Variants in PSMB2 observed in about 807,000 individuals in gnomAD.
PSMB2 encodes the protein proteasome 20S subunit beta 2, also known as proteasome subunit beta type-2.
A neutral mutation model predicts 25.7 loss-of-function variants in PSMB2; 13 were observed. The ratio of observed to expected loss-of-function variants is 0.51; its 90% CI spans 0.33 to 0.80. The LOEUF (loss-of-function observed/expected upper bound fraction) is 0.80. Among genes scored for constraint, PSMB2 ranks in the 30% least tolerant of loss-of-function variants. The probability of loss-of-function intolerance (pLI) is 0.02; values close to 1 mark genes in which losing one functional copy is unlikely to be tolerated. For synonymous variants in PSMB2, 87 were observed against 96.2 expected (o/e 0.90, Z 0.56); for missense variants, 202 against 259.0 (o/e 0.78, Z 1.51).
intron 3 of PSMB2, among the ~76,000 whole-genome samples, chr1:35,619,931 C>T (rs116625844): frequency 6.6e-6 from 1 of 152,338 alleles, no homozygotes; most frequent in Non-Finnish European, 1.5e-5. Context: ...AAAACCAACA[C>T]CATGTTTGCA....
Position 35,602,269 on chromosome 1 carries a change from T to G in PSMB2, c.*998A>C, listed in dbSNP as rs1172387890. 1.3e-5 allele frequency: 2 copies of G among 151,564 alleles called. No individual in the cohort carries two copies. The highest frequency in any genetic ancestry group is 4.8e-5 in the African/African-American group (2 of 41,256). The allele number at this position is 151,564 out of a possible 1,614,324, so 9.4% of individuals were successfully genotyped here. A position where few individuals can be genotyped will look rare whatever the true frequency, so the allele number is the denominator to read the frequency against. ...ATCACTTGGGCCCGGGAGGCGGAGGTTGCAGTGAGCCAAGATTACGCCACA... is the reference window on the plus strand; with the variant it reads ...ATCACTTGGGCCCGGGAGGCGGAGGGTGCAGTGAGCCAAGATTACGCCACA... On this transcript the variant is annotated 3_prime_UTR_variant, in exon 6 of 6. Transcript: ENST00000373237.
chr1:35,603,262 T>C lies in PSMB2; in HGVS notation c.*5A>G, dbSNP rs12386. The C allele has an allele frequency of 8.6e-3, 13,811 of 1,613,330 alleles. 391 individuals are homozygous for C. The highest frequency in any genetic ancestry group is 0.066 in the African/African-American group (4,956 of 74,916). On this transcript the variant is annotated 3_prime_UTR_variant, in exon 6 of 6. Transcript: ENST00000373237. ...TCCCTGGCAAGTGGGAGGGAGGACA[T>C]GATGTTAGGAGCCCTGTTTGGGGAA...
chr1:35,605,269 C>G lies in PSMB2; in HGVS notation c.462G>C (p.Glu154Asp). The stretch of plus-strand genomic sequence containing the variant: ...ATTTCCTAAGGAGTTCCACTGCCCT[C>G]TCACGTGAGATAGCTGAAAGAGAAC... ...DRYYTPTISR[E>D]RAVELLRKCL... The change falls in exon 5 of 6, where the codon GAG (glutamate) becomes GAC (aspartate). Residue 154 changes from glutamate to aspartate, a missense_variant. Coordinates refer to ENST00000373237, the MANE Select transcript of PSMB2 (RefSeq NM_002794.5). 1.2e-6 allele frequency: 2 copies of G among 1,613,394 alleles called. No homozygotes were observed. Among genetic ancestry groups the G allele is most frequent in the Non-Finnish European group, 1.7e-6 (2 of 1,179,644 alleles).
At chr1:35,639,277 A>T (rs1416868235) in intron 1 of PSMB2, among the ~76,000 whole-genome samples, 2 of 152,166 alleles carry the variant, frequency 1.3e-5, no homozygotes, top group African/African-American at 4.8e-5. Context: ...TAAAATAAAT[A>T]AAAAAGTCAT....
chr1:35,605,280 T>C lies in PSMB2; in HGVS notation c.451A>G (p.Ile151Val). ...SILDRYYTPT[I>V]SRERAVELLR... ...AGTTCCACTGCCCTCTCACGTGAGATAGCTGAAAGAGAACACAGAGACCAA... is the reference window on the plus strand; with the variant it reads ...AGTTCCACTGCCCTCTCACGTGAGACAGCTGAAAGAGAACACAGAGACCAA... Residue 151 changes from isoleucine to valine, a missense_variant and splice_region_variant, in exon 5 of 6, where the codon ATC becomes GTC. Transcript: ENST00000373237. 1.9e-6 allele frequency: 3 copies of C among 1,612,926 alleles called. No homozygotes were observed. The highest frequency in any genetic ancestry group is 2.5e-6 in the Non-Finnish European group (3 of 1,179,400).
Position 35,605,317 on chromosome 1 carries a change from G to A in PSMB2, c.449-35C>T, listed in dbSNP as rs1472200703. Reference sequence around the variant, plus strand: ...AACACAGAGACCAAATACTTCCGGTGCTGTCATTATATCCAACTCTCAGAA... The same window carrying A: ...AACACAGAGACCAAATACTTCCGGTACTGTCATTATATCCAACTCTCAGAA... On this transcript the variant is annotated intron_variant, in intron 4 of 5. Coordinates refer to ENST00000373237, the MANE Select transcript of PSMB2 (RefSeq NM_002794.5). 2.5e-6 allele frequency: 4 copies of A among 1,594,260 alleles called. No homozygotes were observed. The South Asian group carries it at 3.3e-5, about 13-fold the overall frequency.
chr1:35,621,392 T>C (rs1300682931), intron 3 of PSMB2, among the ~76,000 whole-genome samples: 1 of 152,162 alleles, frequency 6.6e-6, no homozygotes, highest in African/African-American at 2.4e-5. Flanking sequence ...CCAAGGACAA[T>C]GCAGGCTGGA....
In PSMB2 at chr1:35,602,887, A is replaced by T. The variant is rs1571118218; in HGVS notation, c.*380T>A. On this transcript the variant is annotated 3_prime_UTR_variant, in exon 6 of 6. Transcript: ENST00000373237. ...TTAATTCAGGTTAATTAATTTAAAA[A>T]TTTAAGTTTAAGGGCAAAAAGAACC... is the stretch of plus-strand genomic sequence containing the variant. 1.0e-6 allele frequency: 1 copy of T among 966,490 alleles called. No homozygotes were observed. Among genetic ancestry groups the T allele is most frequent in the Non-Finnish European group, 1.2e-6 (1 of 808,100 alleles). The allele number at this position is 966,490 out of a possible 1,614,324, so 59.9% of individuals were successfully genotyped here.
chr1:35,631,382 C>A, intron 2 of PSMB2, 38 bp from the exon 3 acceptor site: 1 of 1,610,546 alleles, frequency 6.2e-7, no homozygotes, highest in Non-Finnish European at 8.5e-7. Flanking sequence ...TAAAGTAAAG[C>A]AGAAGGAATA....
Position 35,599,831 on chromosome 1 carries a change from A to T in PSMB2, c.*3436T>A. On this transcript the variant is annotated 3_prime_UTR_variant, in exon 6 of 6. Coordinates refer to ENST00000373237, the MANE Select transcript of PSMB2 (RefSeq NM_002794.5). ...TAGGGGGTGAACCAGAGTAATGGGG[A>T]TGGAGATTTATAAAGATTAGGCTGG... 1.0e-6 allele frequency: 1 copy of T among 985,092 alleles called. No homozygotes were observed. The highest frequency in any genetic ancestry group is 1.2e-6 in the Non-Finnish European group (1 of 829,676). The allele number at this position is 985,092 out of a possible 1,614,324, so 61.0% of individuals were successfully genotyped here.
chr1:35,637,190 A>G (rs555876248), intron 1 of PSMB2, among the ~76,000 whole-genome samples: 13 of 152,234 alleles, frequency 8.5e-5, no homozygotes, highest in Non-Finnish European at 1.6e-4. Context: ...ACAAAAGCAT[A>G]TATGAAAAGG....
intron 1 of PSMB2, among the ~76,000 whole-genome samples, chr1:35,638,798 T>C (rs2148579999): frequency 6.6e-6 from 1 of 152,350 alleles, no homozygotes; most frequent in East Asian, 1.9e-4. Context: ...AAATGTCTAC[T>C]CTATAGTATC....
chr1:35,613,662 T>C (rs915178871), intron 3 of PSMB2, among the ~76,000 whole-genome samples: 1 of 152,202 alleles, frequency 6.6e-6, no homozygotes, highest in African/African-American at 2.4e-5. Context: ...CTTCTCTTTC[T>C]ACCTCCCTCT....
chr1:35,605,910 T>C (rs1011609341), intron 4 of PSMB2, among the ~76,000 whole-genome samples: 2 of 152,152 alleles, frequency 1.3e-5, no homozygotes, highest in Admixed American at 6.6e-5. Context: ...ATCAAGAAAG[T>C]CACTGGGAGG....
At chr1:35,612,589 T>A (rs547218373) in intron 3 of PSMB2, among the ~76,000 whole-genome samples, 2 of 152,308 alleles carry the variant, frequency 1.3e-5, no homozygotes, top group East Asian at 3.9e-4. Context: ...TTCTTACAGT[T>A]AAAATTAGAA....
In PSMB2 at chr1:35,641,427, C is replaced by G; in HGVS notation, c.6G>C (p.Glu2Asp). M[E>D]YLIGIQGPDY... is the part of the protein sequence containing the mutation. ...CGGGGCCTTGGATACCGATGAGGTACTCCATGGTGGCGGAAGGCCAGGGGC... is the reference window on the plus strand; with the variant it reads ...CGGGGCCTTGGATACCGATGAGGTAGTCCATGGTGGCGGAAGGCCAGGGGC... Residue 2 changes from glutamate (E) to aspartate (D), a missense_variant, in exon 1 of 6, where the codon GAG becomes GAC. By Grantham distance (45) the Glu-to-Asp change is conservative. Coordinates refer to ENST00000373237, the MANE Select transcript of PSMB2 (RefSeq NM_002794.5). 6.2e-7 allele frequency: 1 copy of G among 1,614,146 alleles called. No homozygotes were observed. The highest frequency in any genetic ancestry group is 8.5e-7 in the Non-Finnish European group (1 of 1,180,022).
intron 3 of PSMB2, among the ~76,000 whole-genome samples, chr1:35,613,193 T>A (rs1194774574): frequency 6.6e-6 from 1 of 152,170 alleles, no homozygotes; most frequent in Non-Finnish European, 1.5e-5. Context: ...AATCAATACA[T>A]CTGTGCAACA....
intron 3 of PSMB2, among the ~76,000 whole-genome samples, chr1:35,622,875 A>C (rs759257552): frequency 5.1e-4 from 78 of 152,228 alleles, no homozygotes; most frequent in Middle Eastern, 3.4e-3. Context: ...ACTTTCAAAT[A>C]ATCTTCCCAA....
chr1:35,631,046 A>G (rs1651078250), intron 3 of PSMB2, among the ~76,000 whole-genome samples: 2 of 152,112 alleles, frequency 1.3e-5, no homozygotes, highest in African/African-American at 4.8e-5. Flanking sequence ...AGGCCTTCAT[A>G]TTGGTGTGTC....
Sources: allele counts gnomAD v4.1 joint callset (sites outside exome capture counted in the v4.1 genomes callset), GRCh38; gene constraint gnomAD v4.1.1; transcripts MANE v1.5; gene names NCBI Gene and HGNC (gene_info 2026-07-23, HGNC 2026-07-21).